SUMF1: variants seen among roughly 807,000 people sequenced by gnomAD.
SUMF1 encodes formylglycine-generating enzyme.
A neutral mutation model predicts 47.6 loss-of-function variants in SUMF1; 48 were observed. The ratio of observed to expected loss-of-function variants is 1.01; its 90% CI spans 0.80 to 1.28. The LOEUF (loss-of-function observed/expected upper bound fraction) is 1.28. Ranked by LOEUF, SUMF1 falls within the 50% of genes most tolerant of loss-of-function variation. SUMF1 has a pLI of 0.00. For synonymous variants in SUMF1, 230 were observed against 192.1 expected (o/e 1.20, Z -1.63); for missense variants, 571 against 485.4 (o/e 1.18, Z -1.66).
intron 3 of SUMF1, among the ~76,000 whole-genome samples, chr3:4,432,814 G>T (rs711651): frequency 0.23 from 35,403 of 151,996 alleles, 5,133 homozygotes; most frequent in Non-Finnish European, 0.32. Flanking sequence ...GTTATCTGTT[G>T]TATCTATGGC....
At chr3:4,423,555 T>G (rs955877010) in intron 3 of SUMF1, among the ~76,000 whole-genome samples, 1 of 152,224 alleles carries the variant, frequency 6.6e-6, no homozygotes, top group Non-Finnish European at 1.5e-5. Flanking sequence ...GCACTGAACC[T>G]GATTCTTGGA....
intron 8 of SUMF1, among the ~76,000 whole-genome samples, chr3:4,203,451 C>T (rs953772376): frequency 1.3e-5 from 2 of 151,934 alleles, no homozygotes; most frequent in Non-Finnish European, 2.9e-5. Flanking sequence ...TTTTCCATCC[C>T]TTTATTTTCA....
At chr3:4,311,882 C>T (rs995491774) in intron 8 of SUMF1, among the ~76,000 whole-genome samples, 4 of 152,196 alleles carry the variant, frequency 2.6e-5, no homozygotes, top group African/African-American at 4.8e-5. Flanking sequence ...CTGCTGGGTT[C>T]ATGAGAGATA....
At chr3:4,440,551 G>A (rs1380485640) in intron 3 of SUMF1, among the ~76,000 whole-genome samples, 3 of 152,110 alleles carry the variant, frequency 2.0e-5, no homozygotes, top group East Asian at 1.9e-4. Context: ...AAATAACAGC[G>A]GGTCAGACTG....
chr3:4,200,174 ATTTT>A (rs35851983), intron 8 of SUMF1, among the ~76,000 whole-genome samples: 4 of 125,884 alleles, frequency 3.2e-5, no homozygotes, highest in East Asian at 2.3e-4. Flanking sequence ...AAGCATCAAG[ATTTT>A]TTTTTTTTTT....
intron 8 of SUMF1, among the ~76,000 whole-genome samples, chr3:4,087,683 A>C (rs1337617806): frequency 6.6e-6 from 1 of 152,128 alleles, no homozygotes; most frequent in African/African-American, 2.4e-5. Flanking sequence ...ATAGCAATCA[A>C]ACAAAATATT....
intron 8 of SUMF1, among the ~76,000 whole-genome samples, chr3:4,331,864 T>A (rs1196637098): frequency 6.6e-6 from 1 of 152,090 alleles, no homozygotes. Context: ...TCTAAAGACA[T>A]AAGTTTATAG....
chr3:4,271,365 G>A (rs893019011), intron 8 of SUMF1, among the ~76,000 whole-genome samples: 2 of 152,124 alleles, frequency 1.3e-5, no homozygotes, highest in Admixed American at 1.3e-4. Context: ...AAATAAGGAG[G>A]TCAAGCCAGA....
In SUMF1 at chr3:4,361,334, C is replaced by G. The variant is rs189415206; in HGVS notation, c.*810G>C. On this transcript the variant is annotated 3_prime_UTR_variant, in exon 9 of 9. Transcript: ENST00000272902. ...GTTTCCCCGTTTAGCGCACATTTCA[C>G]GTTCGCTGAAGGCTTTGGGGAGAGG... is the stretch of plus-strand genomic sequence containing the variant. 6.5e-6 allele frequency: 1 copy of G among 152,710 alleles called. No individual in the cohort carries two copies. Among genetic ancestry groups the G allele is most frequent in the Non-Finnish European group, 1.5e-5 (1 of 68,032 alleles). The allele number at this position is 152,710 out of a possible 1,614,324, so 9.5% of individuals were successfully genotyped here.
At chr3:4,407,450 A>C (rs927097788) in intron 7 of SUMF1, among the ~76,000 whole-genome samples, 1 of 152,120 alleles carries the variant, frequency 6.6e-6, no homozygotes, top group Non-Finnish European at 1.5e-5. Flanking sequence ...CCACGTGGAT[A>C]TTTTGGTTGT....
intron 8 of SUMF1, among the ~76,000 whole-genome samples, chr3:4,246,670 G>A (rs1696678241): frequency 6.6e-6 from 1 of 152,134 alleles, no homozygotes; most frequent in Admixed American, 6.5e-5. Context: ...AAAGTGCTGG[G>A]ATTACAGGCG....
chr3:4,065,420 T>A (rs989243276), intron 9 of SUMF1, among the ~76,000 whole-genome samples: 1 of 152,134 alleles, frequency 6.6e-6, no homozygotes, highest in African/African-American at 2.4e-5. Flanking sequence ...CAAGTTTCCA[T>A]CCTACTCCAC....
chr3:4,315,592 C>A (rs1247785501), intron 8 of SUMF1, among the ~76,000 whole-genome samples: 3 of 152,060 alleles, frequency 2.0e-5, no homozygotes, highest in East Asian at 3.8e-4. Flanking sequence ...GTCTTTATTC[C>A]AAGTCTTTTC....
At chr3:4,125,672 A>G (rs1017249517) in intron 8 of SUMF1, among the ~76,000 whole-genome samples, 1 of 152,016 alleles carries the variant, frequency 6.6e-6, no homozygotes, top group Non-Finnish European at 1.5e-5. Context: ...GTCATAATCA[A>G]TTATTATTTG....
At chr3:4,394,125 AT>A (rs1012898138) in intron 7 of SUMF1, among the ~76,000 whole-genome samples, 23 of 151,896 alleles carry the variant, frequency 1.5e-4, no homozygotes, top group African/African-American at 5.1e-4. Flanking sequence ...TTTTATTATT[AT>A]TTTTTTAAAA....
chr3:4,270,409 TTCTCTC>T (rs138890956), intron 8 of SUMF1, among the ~76,000 whole-genome samples: 2 of 148,926 alleles, frequency 1.3e-5, no homozygotes, highest in African/African-American at 4.9e-5. Context: ...CTCTCTCTCT[TTCTCTC>T]TCTCTCTCTC....
intron 8 of SUMF1, among the ~76,000 whole-genome samples, chr3:4,074,505 G>A (rs1301479087): frequency 6.6e-6 from 1 of 151,944 alleles, no homozygotes; most frequent in Non-Finnish European, 1.5e-5. Context: ...AGGACTAAAG[G>A]AGAAAGAGAC....
chr3:4,280,792 C>T (rs1340028979), intron 8 of SUMF1, among the ~76,000 whole-genome samples: 1 of 147,892 alleles, frequency 6.8e-6, no homozygotes. Context: ...CAGTATAACT[C>T]CAATCTTCAA....
At chr3:4,219,728 C>T (rs1311563882) in intron 8 of SUMF1, among the ~76,000 whole-genome samples, 1 of 152,132 alleles carries the variant, frequency 6.6e-6, no homozygotes, top group South Asian at 2.1e-4. Context: ...ATAAGAAATA[C>T]ACTGGGAATA....
Sources: allele counts gnomAD v4.1 joint callset (sites outside exome capture counted in the v4.1 genomes callset), GRCh38; gene constraint gnomAD v4.1.1; transcripts MANE v1.5; gene names NCBI Gene and HGNC (gene_info 2026-07-23, HGNC 2026-07-21).